Variants in CCDC171 observed in about 807,000 individuals in gnomAD.
CCDC171 encodes coiled-coil domain containing 171.
CCDC171 carries 177 observed loss-of-function variants against 168.2 expected under a neutral mutation model. The observed-to-expected ratio is 1.05, with a 90% CI of 0.93 to 1.19. The LOEUF is 1.19. Among genes scored for constraint, CCDC171 ranks in the 50% most tolerant of loss-of-function variants. The pLI, the probability that CCDC171 is intolerant of heterozygous loss-of-function variation, is 0.00. For missense variants in CCDC171, 1,991 were observed against 1,539.0 expected (o/e 1.29, Z -4.91); for synonymous variants, 687 against 540.8 (o/e 1.27, Z -3.75).
intron 14 of CCDC171, 103 bp from the exon 15 acceptor site, chr9:15,727,766 C>A: frequency 3.7e-6 from 3 of 816,108 alleles, no homozygotes; most frequent in South Asian, 3.1e-5. Context: ...ATTGTAATTC[C>A]TTTTCAGGTT....
At chr9:15,673,771 C>T (rs2049304729) in intron 9 of CCDC171, among the ~76,000 whole-genome samples, 2 of 152,184 alleles carry the variant, frequency 1.3e-5, no homozygotes, top group South Asian at 2.1e-4. Flanking sequence ...TGAGGATTTT[C>T]GCATCGATGT....
At chr9:15,968,885 C>T (rs546438093) in intron 25 of CCDC171, among the ~76,000 whole-genome samples, 1 of 152,214 alleles carries the variant, frequency 6.6e-6, no homozygotes, top group South Asian at 2.1e-4. Context: ...CAGACTTTAC[C>T]TCATTTCATG....
chr9:15,586,181 T>A (rs1201605005), intron 4 of CCDC171, among the ~76,000 whole-genome samples: 1 of 152,186 alleles, frequency 6.6e-6, no homozygotes, highest in African/African-American at 2.4e-5. Context: ...GGTGGATAAA[T>A]GAATGCATGC....
At chr9:15,635,014 T>C (rs1363447316) in intron 7 of CCDC171, among the ~76,000 whole-genome samples, 1 of 152,196 alleles carries the variant, frequency 6.6e-6, no homozygotes, top group East Asian at 1.9e-4. Context: ...TGTTGTGTAA[T>C]ATATATTTTG....
intron 3 of CCDC171, among the ~76,000 whole-genome samples, chr9:15,984,206 G>T (rs116454199): frequency 1.1e-3 from 53 of 49,226 alleles, no homozygotes; most frequent in African/African-American, 5.4e-3. Flanking sequence ...CCTAAGACCT[G>T]CTGTGGTCAA....
intron 25 of CCDC171, among the ~76,000 whole-genome samples, chr9:15,950,909 A>G (rs1353937912): frequency 9.2e-5 from 14 of 151,554 alleles, no homozygotes; most frequent in Non-Finnish European, 1.8e-4. Flanking sequence ...CATAGGCTCA[A>G]AATAAAAGGA....
intron 3 of CCDC171, among the ~76,000 whole-genome samples, chr9:15,996,076 C>A (rs760546021): frequency 4.6e-5 from 7 of 152,334 alleles, no homozygotes; most frequent in Middle Eastern, 3.4e-3. Context: ...CACTGCTGTC[C>A]AGTTTCTCCA....
At chr9:15,654,860 A>G (rs577046027) in intron 7 of CCDC171, among the ~76,000 whole-genome samples, 1 of 152,320 alleles carries the variant, frequency 6.6e-6, no homozygotes, top group Admixed American at 6.5e-5. Context: ...GGATATGAAC[A>G]GATGAGTTCA....
chr9:15,997,132 T>A (rs1053181580), intron 3 of CCDC171, among the ~76,000 whole-genome samples: 1 of 152,192 alleles, frequency 6.6e-6, no homozygotes, highest in African/African-American at 2.4e-5. Context: ...CTTCAGACCA[T>A]GTGCTGATCT....
chr9:16,061,664 C>T (rs563900640), downstream of CCDC171: 2 of 152,282 alleles, frequency 1.3e-5, no homozygotes, highest in African/African-American at 2.4e-5. Context: ...CTTTATTGAA[C>T]ACTTACTGTG....
chr9:15,563,696 G>A (rs78111230), intron 1 of CCDC171, among the ~76,000 whole-genome samples: 222 of 152,064 alleles, frequency 1.5e-3, no homozygotes, highest in African/African-American at 5.1e-3. Context: ...TCTGTCCTAG[G>A]TCAGACTGTT....
chr9:16,081,412 C>T, the CCDC171 span, among the ~76,000 whole-genome samples: 24 of 152,176 alleles, frequency 1.6e-4, no homozygotes, highest in Admixed American at 3.3e-4. Flanking sequence ...CATGAGAACT[C>T]ATGGGTCAAA....
intron 3 of CCDC171, among the ~76,000 whole-genome samples, chr9:16,012,367 A>G (rs979975882): frequency 1.3e-5 from 2 of 152,114 alleles, no homozygotes; most frequent in African/African-American, 4.8e-5. Context: ...ACATTGAACA[A>G]ATACACTCAT....
At chr9:16,085,463 C>A in the CCDC171 span, among the ~76,000 whole-genome samples, 1 of 152,212 alleles carries the variant, frequency 6.6e-6, no homozygotes, top group Non-Finnish European at 1.5e-5. Flanking sequence ...CACTGGCCTA[C>A]AGCTCCAAGA....
rs544423072 is a variant in CCDC171 at position 15,556,761 on chromosome 9, A to T, written c.-112+3459A>T. Among the ~76,000 whole-genome samples, 577 of 151,758 alleles carry T rather than the reference A, an allele frequency of 3.8e-3. 4 individuals carry two copies. Among genetic ancestry groups the T allele is most frequent in the Middle Eastern group, 0.027 (8 of 294 alleles). The stretch of plus-strand genomic sequence containing the variant: ...TTAGTTTAATTAGATCTCATTTGTC[A>T]ATTTTGGCTTTTGTTGCCATTGCTT... On this transcript the variant is annotated intron_variant, in intron 1 of 25. Coordinates refer to ENST00000380701, the MANE Select transcript of CCDC171 (RefSeq NM_173550.4).
intron 7 of CCDC171, among the ~76,000 whole-genome samples, chr9:15,655,499 A>G (rs954839525): frequency 2.6e-5 from 4 of 152,202 alleles, no homozygotes; most frequent in Non-Finnish European, 5.9e-5. Context: ...ATTCAAAAAT[A>G]AAGATCTTGA....
chr9:15,817,581 G>A lies in CCDC171; in HGVS notation c.3268-29121G>A, dbSNP rs891207577. Among the ~76,000 whole-genome samples, 6 of 118,258 alleles carry A rather than the reference G, an allele frequency of 5.1e-5. 3 individuals are homozygous for A. The highest frequency in any genetic ancestry group is 1.9e-4 in the African/African-American group (6 of 31,546). The allele number at this position is 118,258 out of a possible 152,430, so 77.6% of individuals were successfully genotyped here. A position where few individuals can be genotyped will look rare whatever the true frequency, so the allele number is the denominator to read the frequency against. On this transcript the variant is annotated intron_variant, in intron 21 of 25. Transcript: ENST00000380701. ...CTGGCTTGGAGGGTCCTACGCCCAC[G>A]GAGCCTCGCTCATTGCTAGCACAGC...
intron 7 of CCDC171, among the ~76,000 whole-genome samples, chr9:15,652,633 G>A (rs1041900995): frequency 6.6e-6 from 1 of 152,056 alleles, no homozygotes; most frequent in Non-Finnish European, 1.5e-5. Context: ...TAGAGACAGG[G>A]TTTTACTATG....
At chr9:15,750,728 GC>G (rs1471144434) in intron 18 of CCDC171, among the ~76,000 whole-genome samples, 6 of 152,050 alleles carry the variant, frequency 3.9e-5, no homozygotes, top group Non-Finnish European at 8.8e-5. Context: ...AAATTCAACA[GC>G]CCTTCATGCT....
Sources: allele counts gnomAD v4.1 joint callset (sites outside exome capture counted in the v4.1 genomes callset), GRCh38; gene constraint gnomAD v4.1.1; transcripts MANE v1.5; gene names NCBI Gene and HGNC (gene_info 2026-07-23, HGNC 2026-07-21).